The following PTCHD4 variants were observed in gnomAD, a reference collection of about 807,000 sequenced individuals.
The protein encoded by PTCHD4 is patched domain containing 4, also known as patched domain-containing protein 4.
Under a neutral mutation model 58.1 loss-of-function variants are expected in PTCHD4, and 33 were observed. The observed-to-expected ratio is 0.57, with a 90% CI of 0.43 to 0.76. PTCHD4 has a LOEUF of 0.76. PTCHD4 is among the 30% of genes least tolerant of loss of function. The pLI is 0.00. For missense variants in PTCHD4, 1,058 were observed against 1,027.1 expected, an observed-to-expected ratio of 1.03 and a Z score of -0.41; for synonymous variants, 478 against 409.6, an observed-to-expected ratio of 1.17 and a Z score of -2.02.
intron 4 of PTCHD4, among the ~76,000 whole-genome samples, chr6:47,967,220 A>AT (rs1379651522): frequency 6.6e-6 from 1 of 152,212 alleles, no homozygotes; most frequent in Non-Finnish European, 1.5e-5. Flanking sequence ...GTACATCTCC[A>AT]TTAGAGCTCT....
At chr6:47,947,771 C>T (rs1250695332) in intron 4 of PTCHD4, among the ~76,000 whole-genome samples, 1 of 152,154 alleles carries the variant, frequency 6.6e-6, no homozygotes, top group Non-Finnish European at 1.5e-5. Context: ...ATTTCAACTG[C>T]TTGAATTCCT....
Position 47,859,393 on chromosome 6 carries a change from A to C in PTCHD4, c.*18910T>G, listed in dbSNP as rs1327411477. 6.6e-6 allele frequency among the ~76,000 whole-genome samples: 1 copy of C among 152,060 alleles called. No individual in the cohort carries two copies. Among genetic ancestry groups the C allele is most frequent in the Non-Finnish European group, 1.5e-5 (1 of 67,988 alleles). On this transcript the variant is annotated 3_prime_UTR_variant, in exon 5 of 5. Coordinates refer to ENST00000339488, the MANE Select transcript of PTCHD4 (RefSeq NM_001384253.1). ...GCAGGGGTAGATGTTAATATTACCT[A>C]GCAAAGAATTCATGGGCAAACAACT...
In PTCHD4 at chr6:47,878,793, C is replaced by A; in HGVS notation, c.2042G>T (p.Gly681Val). 1 of 1,613,630 alleles carries A rather than the reference C, an allele frequency of 6.2e-7. No individual in the cohort carries two copies. Among genetic ancestry groups the A allele is most frequent in the Non-Finnish European group, 8.5e-7 (1 of 1,179,760 alleles). Reference protein sequence around the residue: ...LTFFLVIHPLGNFWLILSVTS... With the variant: ...LTFFLVIHPLVNFWLILSVTS... Reference sequence around the variant, plus strand: ...GACGCTAAGAATTAGCCAGAAGTTTCCCAGAGGGTGGATCACTAGGAAAAA... The same window carrying A: ...GACGCTAAGAATTAGCCAGAAGTTTACCAGAGGGTGGATCACTAGGAAAAA... The change falls in exon 5 of 5, where the codon GGA becomes GTA. Residue 681 changes from glycine (G) to valine (V), a missense_variant. Physicochemically the swap from Gly to Val is moderately radical, Grantham distance 109. Transcript: ENST00000339488.
At chr6:47,925,703 G>A (rs1265931680) in intron 4 of PTCHD4, among the ~76,000 whole-genome samples, 4 of 152,220 alleles carry the variant, frequency 2.6e-5, no homozygotes, top group Non-Finnish European at 5.9e-5. Context: ...TTGTTGGCTT[G>A]CTTTTAGTTA....
At chr6:48,015,171 T>C (rs1762825646) in intron 3 of PTCHD4, among the ~76,000 whole-genome samples, 1 of 152,000 alleles carries the variant, frequency 6.6e-6, no homozygotes, top group Non-Finnish European at 1.5e-5. Flanking sequence ...TTTTCAATGC[T>C]CTCCTATGTG....
intron 4 of PTCHD4, among the ~76,000 whole-genome samples, chr6:47,904,402 T>A: frequency 6.6e-6 from 1 of 152,236 alleles, no homozygotes; most frequent in East Asian, 1.9e-4. Context: ...ACAGTCACAC[T>A]CATTCATTTA....
chr6:47,895,717 T>C (rs1044373448), intron 4 of PTCHD4, among the ~76,000 whole-genome samples: 2 of 152,128 alleles, frequency 1.3e-5, no homozygotes, highest in African/African-American at 2.4e-5. Flanking sequence ...AGTTCTTCCA[T>C]ATTTAGAGTT....
At chr6:47,982,618 A>G (rs1767925619) in intron 4 of PTCHD4, among the ~76,000 whole-genome samples, 1 of 151,686 alleles carries the variant, frequency 6.6e-6, no homozygotes, top group Non-Finnish European at 1.5e-5. Context: ...CCTCCCGAGT[A>G]GCTGGGACTA....
At chr6:48,058,569 TA>T (rs111909813) in intron 3 of PTCHD4, among the ~76,000 whole-genome samples, 4 of 152,062 alleles carry the variant, frequency 2.6e-5, no homozygotes, top group African/African-American at 9.6e-5. Context: ...AAAAAATTAT[TA>T]AAAAATATGC....
chr6:48,008,703 C>A lies in PTCHD4; in HGVS notation c.829G>T (p.Ala277Ser). The A allele has an allele frequency of 1.9e-6, 3 of 1,613,790 alleles. No homozygotes were observed. The highest frequency in any genetic ancestry group is 1.7e-6 in the Non-Finnish European group (2 of 1,179,850). ...LTVCISIITA[A>S]GIFFITDGKY... ...CCATCGGTGATGAAGAAGATCCCTG[C>A]TGCTGTGATGATGGAGATGCATACT... is the stretch of plus-strand genomic sequence containing the variant. The change falls in exon 4 of 5, where the codon GCA becomes TCA. Residue 277 changes from alanine to serine, a missense_variant. Physicochemically the swap from Ala to Ser is moderately conservative, Grantham distance 99. Transcript: ENST00000339488.
At chr6:47,952,675 G>A (rs1333465359) in intron 4 of PTCHD4, among the ~76,000 whole-genome samples, 1 of 151,994 alleles carries the variant, frequency 6.6e-6, no homozygotes, top group Non-Finnish European at 1.5e-5. Flanking sequence ...TAATATAACT[G>A]CCTACAGTAT....
chr6:48,061,804 C>A (rs1037605697), intron 3 of PTCHD4, among the ~76,000 whole-genome samples: 54 of 152,070 alleles, frequency 3.6e-4, no homozygotes, highest in Admixed American at 3.5e-3. Context: ...GTAAATGTAC[C>A]CTTGTCCACC....
chr6:48,019,551 A>G (rs1762986959), intron 3 of PTCHD4, among the ~76,000 whole-genome samples: 1 of 152,174 alleles, frequency 6.6e-6, no homozygotes, highest in South Asian at 2.1e-4. Context: ...CCTGGCTAAC[A>G]TGGTGAAACC....
intron 1 of PTCHD4, among the ~76,000 whole-genome samples, chr6:48,092,699 T>A (rs1765391190): frequency 6.6e-6 from 1 of 151,848 alleles, no homozygotes; most frequent in Admixed American, 6.6e-5. Flanking sequence ...GCAGAAAGGG[T>A]CAGGACAGGA....
intron 3 of PTCHD4, among the ~76,000 whole-genome samples, chr6:48,030,514 C>T (rs976057284): frequency 2.6e-5 from 4 of 152,052 alleles, no homozygotes; most frequent in African/African-American, 7.2e-5. Context: ...CAGGATTTTG[C>T]AAGCTGAAGC....
At chr6:47,909,099 T>C (rs1249510413) in intron 4 of PTCHD4, among the ~76,000 whole-genome samples, 1 of 152,158 alleles carries the variant, frequency 6.6e-6, no homozygotes, top group African/African-American at 2.4e-5. Flanking sequence ...TTGTTCACAC[T>C]AATATACAGG....
At chr6:48,096,059 T>C (rs1442808057) in intron 1 of PTCHD4, among the ~76,000 whole-genome samples, 1 of 152,206 alleles carries the variant, frequency 6.6e-6, no homozygotes, top group Admixed American at 6.5e-5. Context: ...TCTAGAAGCT[T>C]CTGATAGATA....
At chr6:48,086,826 T>C (rs1765274566) in intron 1 of PTCHD4, among the ~76,000 whole-genome samples, 1 of 152,188 alleles carries the variant, frequency 6.6e-6, no homozygotes, top group African/African-American at 2.4e-5. Flanking sequence ...GGCTCTATGG[T>C]TGCTATGTAT....
Position 47,861,344 on chromosome 6 carries a change from C to A in PTCHD4, c.*16959G>T, listed in dbSNP as rs558226254. Among the ~76,000 whole-genome samples, 8 of 67,068 alleles carry A rather than the reference C, an allele frequency of 1.2e-4. 1 individual carries two copies. The South Asian group carries it at 4.0e-3, about 34-fold the overall frequency. The allele number at this position is 67,068 out of a possible 152,430, so 44.0% of individuals were successfully genotyped here. On this transcript the variant is annotated 3_prime_UTR_variant, in exon 5 of 5. Transcript: ENST00000339488. ...AATTTTATTTGTGTCTCAATTCTTG[C>A]CTGACTGTTTACTTACTAGTATTTA... is the stretch of plus-strand genomic sequence containing the variant.
Sources: gnomAD v4.1 joint callset for allele counts (sites outside exome capture counted in the v4.1 genomes callset) on GRCh38, gnomAD v4.1.1 for gene constraint, MANE v1.5 for transcripts, NCBI Gene and HGNC (gene_info 2026-07-23, HGNC 2026-07-21) for gene names.